GAB4: variants seen among roughly 807,000 people sequenced by gnomAD.
The protein encoded by GAB4 is GRB2-associated-binding protein 4.
In GAB4, 26 loss-of-function variants were observed where a neutral mutation model predicts 51.3. The ratio of observed to expected loss-of-function variants is 0.51; its 90% CI spans 0.37 to 0.70. The LOEUF (loss-of-function observed/expected upper bound fraction) is 0.70. GAB4 is among the 30% of genes least tolerant of loss of function. The pLI is 0.00. For missense variants in GAB4, 759 were observed against 734.6 expected, an observed-to-expected ratio of 1.03 and a Z score of -0.38; for synonymous variants, 329 against 291.2, an observed-to-expected ratio of 1.13 and a Z score of -1.32.
chr22:16,994,844 C>T (rs1218436763), intron 1 of GAB4, among the ~76,000 whole-genome samples: 1 of 152,236 alleles, frequency 6.6e-6, no homozygotes, highest in East Asian at 1.9e-4. Flanking sequence ...TACGCACAGA[C>T]ATCCTTGCTT....
chr22:16,988,221 G>A, intron 2 of GAB4, 54 bp from the exon 3 acceptor site: 2 of 1,197,506 alleles, frequency 1.7e-6, no homozygotes, highest in East Asian at 2.3e-5. Context: ...GGCTGCTAGA[G>A]GCAGAAACAC....
At chr22:16,975,113 GT>G (rs1410733111) in intron 3 of GAB4, among the ~76,000 whole-genome samples, 1 of 152,204 alleles carries the variant, frequency 6.6e-6, no homozygotes, top group Non-Finnish European at 1.5e-5. Flanking sequence ...AGCTGTAGGA[GT>G]TTTTTTCCAT....
chr22:16,968,427 TG>T (rs2060701178), intron 4 of GAB4, 44 bp from the exon 5 acceptor site: 1 of 1,420,766 alleles, frequency 7.0e-7, no homozygotes, highest in Non-Finnish European at 1.0e-6. Flanking sequence ...AGCTGATCCA[TG>T]TGTTGATGCC....
chr22:16,996,382 C>G (rs1213393193), intron 1 of GAB4, among the ~76,000 whole-genome samples: 1 of 152,102 alleles, frequency 6.6e-6, no homozygotes, highest in East Asian at 1.9e-4. Flanking sequence ...GGAAAACATT[C>G]TTAAGGATAT....
rs1397253121 is a variant in GAB4, at chr22:16,983,159, TTGATGCA to T, written c.686+4794_686+4800del. On this transcript the variant is annotated intron_variant, in intron 3 of 9. Transcript: ENST00000400588. ...ACCGTCACAGGTGTAGATCATGCGC[TTGATGCA>T]TCACTACCTTTCAACCCCACATCCT... 4.4e-5 allele frequency among the ~76,000 whole-genome samples: 6 copies of T among 137,686 alleles called. No individual in the cohort carries two copies. In the East Asian group the frequency reaches 1.3e-3, roughly 30 times the overall value. 90.3% of individuals were successfully genotyped at this position (137,686 alleles called of 152,430 possible).
Position 16,988,002 on chromosome 22 carries a change from A to G in GAB4, c.644T>C (p.Leu215Pro), listed in dbSNP as rs2060882723. The G allele has an allele frequency of 6.2e-7, 1 of 1,609,856 alleles. No homozygotes were observed. Among genetic ancestry groups the G allele is most frequent in the African/African-American group, 1.3e-5 (1 of 74,888 alleles). ...CTGGCTGGCGTGCTGGTGCGAGCGGAGACACCCCGGAGGTGCAGGGATGGG... is the reference window on the plus strand; with the variant it reads ...CTGGCTGGCGTGCTGGTGCGAGCGGGGACACCCCGGAGGTGCAGGGATGGG... ...TWPIPAPPGC[L>P]RSHQHASQRA... Residue 215 changes from leucine (L) to proline (P), a missense_variant, in exon 3 of 10, where the codon CTC (leucine) becomes CCC (proline). By Grantham distance (98) the Leu-to-Pro change is moderately conservative. Around this residue, in one of 3 missense-constraint regions of GAB4, gnomAD observed 588 missense variants for 510.2 expected, o/e 1.15. Coordinates refer to ENST00000400588, the MANE Select transcript of GAB4 (RefSeq NM_001037814.1).
intron 3 of GAB4, among the ~76,000 whole-genome samples, chr22:16,979,694 C>A (rs979356273): frequency 6.6e-6 from 1 of 152,130 alleles, no homozygotes; most frequent in African/African-American, 2.4e-5. Flanking sequence ...CAAAGAAGAG[C>A]CCATATCGCC....
Position 16,970,196 on chromosome 22 carries a change from A to G in GAB4, c.687-3T>C. The G allele has an allele frequency of 6.2e-7, 1 of 1,613,718 alleles. No homozygotes were observed. The highest frequency in any genetic ancestry group is 8.5e-7 in the Non-Finnish European group (1 of 1,179,730). ...AACCCTGGGAGAAGCTGGCACTCCT[A>G]AGAGAGAGAAAGAAGGGAAGGGGCA... On this transcript the variant is annotated splice_polypyrimidine_tract_variant and splice_region_variant and intron_variant, in intron 3 of 9. Coordinates refer to ENST00000400588, the MANE Select transcript of GAB4 (RefSeq NM_001037814.1).
chr22:16,976,517 A>T (rs2060780127), intron 3 of GAB4, among the ~76,000 whole-genome samples: 1 of 152,372 alleles, frequency 6.6e-6, no homozygotes, highest in South Asian at 2.1e-4. Flanking sequence ...ATATGGGACT[A>T]TGTGAAAAGA....
At chr22:16,987,389 T>C (rs1601276299) in intron 3 of GAB4, among the ~76,000 whole-genome samples, 1 of 152,366 alleles carries the variant, frequency 6.6e-6, no homozygotes, top group African/African-American at 2.4e-5. Context: ...AAGAAGTCCC[T>C]TGTGAAACCA....
At chr22:16,996,921 C>CA (rs1171163014) in intron 1 of GAB4, among the ~76,000 whole-genome samples, 4 of 150,864 alleles carry the variant, frequency 2.7e-5, no homozygotes, top group African/African-American at 9.8e-5. Context: ...GTTTGGTTTT[C>CA]TGTCCTTGCA....
chr22:16,979,079 T>G (rs575907185), intron 3 of GAB4, among the ~76,000 whole-genome samples: 1 of 152,312 alleles, frequency 6.6e-6, no homozygotes, highest in South Asian at 2.1e-4. Flanking sequence ...AATATCATAC[T>G]GAATGGGCAA....
At chr22:16,962,953 C>T (rs1231186996) in intron 9 of GAB4, 77 bp from the exon 10 acceptor site, 2 of 1,394,786 alleles carry the variant, frequency 1.4e-6, no homozygotes, top group East Asian at 2.4e-5. Context: ...AAGGAGTGGG[C>T]TCTCTCAAAC....
intron 3 of GAB4, among the ~76,000 whole-genome samples, chr22:16,970,964 G>A (rs5992601): frequency 6.6e-6 from 1 of 151,722 alleles, no homozygotes; most frequent in East Asian, 1.9e-4. Context: ...AGGAAGCCCA[G>A]ACAGGCAGAT....
chr22:16,966,433 G>A, intron 5 of GAB4, 69 bp from the exon 6 acceptor site: 2 of 1,487,738 alleles, frequency 1.3e-6, no homozygotes, highest in South Asian at 1.2e-5. Context: ...AGAATTTCTA[G>A]ACAAGGCCAA....
At chr22:16,981,191 G>T (rs2123683784) in intron 3 of GAB4, among the ~76,000 whole-genome samples, 1 of 150,298 alleles carries the variant, frequency 6.7e-6, no homozygotes, top group South Asian at 2.1e-4. Context: ...ATAAAATATA[G>T]TAAGGAGTAG....
At chr22:16,967,261 C>G (rs1230024274) in intron 5 of GAB4, 1 of 152,626 alleles carries the variant, frequency 6.6e-6, no homozygotes, top group Non-Finnish European at 1.5e-5. Flanking sequence ...ATGCCGGAGC[C>G]AGGCAGAAGG....
At chr22:16,968,012 C>G (rs181005297) in intron 5 of GAB4, among the ~76,000 whole-genome samples, 2 of 152,156 alleles carry the variant, frequency 1.3e-5, no homozygotes, top group African/African-American at 4.8e-5. Flanking sequence ...GGTTAGAGCA[C>G]CTGCTTAGAG....
At position 16,988,088 on chromosome 22, in the gene GAB4, G is replaced by T; in HGVS notation, c.558C>A (p.Leu186=). ...CAGATGTGGGTTCTTGTTCTTGGGGGAGGTGCTGATGGGAGCAGCTGGGCT... is the reference window on the plus strand; with the variant it reads ...CAGATGTGGGTTCTTGTTCTTGGGGTAGGTGCTGATGGGAGCAGCTGGGCT... ...PAEPSCSHQH[L]PQEQEPTSEP... The change falls in exon 3 of 10, where the codon CTC becomes CTA. Residue 186 remains leucine (L), a synonymous_variant. Transcript: ENST00000400588. The T allele has an allele frequency of 1.2e-6, 2 of 1,609,548 alleles. No homozygotes were observed. Among genetic ancestry groups the T allele is most frequent in the South Asian group, 1.1e-5 (1 of 90,300 alleles).
Sources: gnomAD v4.1 joint callset for allele counts (sites outside exome capture counted in the v4.1 genomes callset) on GRCh38, gnomAD v4.1.1 for gene constraint, gnomAD v4.1.1 regional missense constraint, MANE v1.5 for transcripts, NCBI Gene and HGNC (gene_info 2026-07-23, HGNC 2026-07-21) for gene names.